Variants in TEX52 observed in about 807,000 individuals in gnomAD.
TEX52 encodes testis expressed 52.
Under a neutral mutation model 17.6 loss-of-function variants are expected in TEX52, and 22 were observed. The ratio of observed to expected loss-of-function variants is 1.25; its 90% CI spans 0.89 to 1.78. TEX52 has a LOEUF of 1.78. Ranked by LOEUF, TEX52 falls within the 40% of genes most tolerant of loss-of-function variation. TEX52 has a pLI of 0.00. For synonymous variants in TEX52, 168 were observed against 147.4 expected (o/e 1.14, Z -1.01); for missense variants, 396 against 372.3 (o/e 1.06, Z -0.52).
chr12:2,848,914 CCT>C (rs1422365712), downstream of TEX52: 20 of 379,934 alleles, frequency 5.3e-5, no homozygotes, highest in Non-Finnish European at 9.1e-5. Flanking sequence ...CACACACACT[CCT>C]TCCTTCCCAC....
intron 1 of TEX52, among the ~76,000 whole-genome samples, chr12:2,856,127 C>G (rs1478327599): frequency 6.6e-6 from 1 of 152,170 alleles, no homozygotes; most frequent in Non-Finnish European, 1.5e-5. Context: ...CCCCACAACT[C>G]TATGAGCAAG....
chr12:2,849,552 CAG>C, intron 2 of TEX52, 27 bp from the exon 3 acceptor site: 1 of 1,535,586 alleles, frequency 6.5e-7, no homozygotes, highest in Non-Finnish European at 8.7e-7. Flanking sequence ...ATGGAGAGAA[CAG>C]AGAGATCAAA....
Position 2,849,378 on chromosome 12 carries a change from C to T in TEX52, c.771G>A (p.Leu257=). Residue 257 remains leucine, a synonymous_variant, in exon 3 of 3, where the codon CTG becomes CTA. Coordinates refer to ENST00000637658, the MANE Select transcript of TEX52 (RefSeq NM_001365174.2). ...GGTCCTGGCTCAGGGGCGCGCTGGGCAGCAAGGCCAGCTTTAGCACCTTCT... is the reference window on the plus strand; with the variant it reads ...GGTCCTGGCTCAGGGGCGCGCTGGGTAGCAAGGCCAGCTTTAGCACCTTCT... The part of the protein sequence containing the change: ...YQEKVLKLAL[L]PSAPLSQDLI... The T allele has an allele frequency of 6.5e-7, 1 of 1,536,154 alleles. No individual in the cohort carries two copies. The highest frequency in any genetic ancestry group is 8.7e-7 in the Non-Finnish European group (1 of 1,146,910).
At chr12:2,854,352 C>T (rs1039906686) in intron 2 of TEX52, among the ~76,000 whole-genome samples, 3 of 152,206 alleles carry the variant, frequency 2.0e-5, no homozygotes, top group African/African-American at 7.2e-5. Context: ...TTCAGTTCTT[C>T]CACATATTCA....
chr12:2,855,833 C>T (rs565257374), intron 1 of TEX52, among the ~76,000 whole-genome samples: 155 of 152,214 alleles, frequency 1.0e-3, no homozygotes, highest in Middle Eastern at 3.4e-3. Context: ...GAAATGCTCC[C>T]TACCATGCCA....
intron 2 of TEX52, among the ~76,000 whole-genome samples, chr12:2,850,965 C>T (rs1310620991): frequency 6.6e-6 from 1 of 151,076 alleles, no homozygotes. Flanking sequence ...AGCCAACACA[C>T]CAGGCCCAGA....
At chr12:2,853,165 G>A (rs1323075406) in intron 2 of TEX52, among the ~76,000 whole-genome samples, 1 of 152,148 alleles carries the variant, frequency 6.6e-6, no homozygotes, top group Non-Finnish European at 1.5e-5. Context: ...CCTTTGCCAG[G>A]GTCAGCACCT....
chr12:2,849,550 A>C, intron 2 of TEX52, 25 bp from the exon 3 acceptor site: 1 of 1,535,710 alleles, frequency 6.5e-7, no homozygotes, highest in Non-Finnish European at 8.7e-7. Flanking sequence ...GTATGGAGAG[A>C]ACAGAGAGAT....
chr12:2,849,651 A>G (rs2098063917), intron 2 of TEX52, 126 bp from the exon 3 acceptor site: 1 of 1,070,194 alleles, frequency 9.3e-7, no homozygotes, highest in Non-Finnish European at 1.3e-6. Flanking sequence ...GCGGCAGGGA[A>G]TCCCTTCTGT....
At position 2,849,372 on chromosome 12, in the gene TEX52, G is replaced by A. The variant is rs114304630; in HGVS notation, c.777C>T (p.Ser259=). 1,739 of 1,536,136 alleles carry A rather than the reference G, an allele frequency of 1.1e-3. 13 individuals carry two copies. In the African/African-American group the frequency reaches 0.017, roughly 15 times the overall value. ...TTATGAGGTCCTGGCTCAGGGGCGC[G>A]CTGGGCAGCAAGGCCAGCTTTAGCA... ...EKVLKLALLP[S]APLSQDLIRD... The change falls in exon 3 of 3, where the codon AGC becomes AGT. Residue 259 remains serine (S), a synonymous_variant. Transcript: ENST00000637658.
At chr12:2,850,794 T>A (rs184460601) in intron 2 of TEX52, among the ~76,000 whole-genome samples, 244 of 151,368 alleles carry the variant, frequency 1.6e-3, no homozygotes, top group African/African-American at 5.6e-3. Flanking sequence ...TGCCTCAGCC[T>A]CCCAAGTAGC....
intron 2 of TEX52, among the ~76,000 whole-genome samples, chr12:2,849,833 A>C (rs1040132243): frequency 6.6e-6 from 1 of 152,230 alleles, no homozygotes; most frequent in African/African-American, 2.4e-5. Context: ...CTGTCCTTCA[A>C]GTCTCACCTT....
rs2098083563 is a variant in TEX52, at chr12:2,855,207, C to T, written c.312G>A (p.Leu104=). Reference sequence around the variant, plus strand: ...CAGGCTGGGTGGGGAAGGTGGCAGGCAGACGGCACACATCGAGCCACGTGT... The same window carrying T: ...CAGGCTGGGTGGGGAAGGTGGCAGGTAGACGGCACACATCGAGCCACGTGT... ...GFHTWLDVCR[L]PATFPTQPDR... is the part of the protein sequence containing the mutation. The change falls in exon 2 of 3, where the codon CTG becomes CTA. Residue 104 remains leucine, a synonymous_variant. Coordinates refer to ENST00000637658, the MANE Select transcript of TEX52 (RefSeq NM_001365174.2). 8 of 1,505,700 alleles carry T rather than the reference C, an allele frequency of 5.3e-6. No homozygotes were observed. The highest frequency in any genetic ancestry group is 1.3e-5 in the South Asian group (1 of 79,780). The allele number at this position is 1,505,700 out of a possible 1,614,324, so 93.3% of individuals were successfully genotyped here.
At position 2,854,884 on chromosome 12, in the gene TEX52, G is replaced by GCAC. The variant is rs2098082305; in HGVS notation, c.623+9_623+11dup. ...CAGGCTGGGTGGGCTCCCTGAGGAG[G>GCAC]CACCGTCTTACTTCTTGAAGCTCGC... is the stretch of plus-strand genomic sequence containing the variant. On this transcript the variant is annotated intron_variant, in intron 2 of 2. Transcript: ENST00000637658. 6.6e-7 allele frequency: 1 copy of GCAC among 1,524,714 alleles called. No homozygotes were observed. The highest frequency in any genetic ancestry group is 8.8e-7 in the Non-Finnish European group (1 of 1,140,136). The allele number at this position is 1,524,714 out of a possible 1,614,324, so 94.4% of individuals were successfully genotyped here.
chr12:2,853,720 T>A (rs2098078639), intron 2 of TEX52, among the ~76,000 whole-genome samples: 1 of 152,158 alleles, frequency 6.6e-6, no homozygotes, highest in African/African-American at 2.4e-5. Context: ...CCTTCCCCCT[T>A]TCTTGTTACT....
chr12:2,848,012 T>C (rs2098058159), downstream of TEX52, among the ~76,000 whole-genome samples: 1 of 152,236 alleles, frequency 6.6e-6, no homozygotes, highest in Admixed American at 6.5e-5. Context: ...CCTTCACCTA[T>C]ATTCTTGTAT....
At chr12:2,848,989 C>A (rs748557060), downstream of TEX52, 1 of 511,542 alleles carries the variant, frequency 2.0e-6, no homozygotes, top group African/African-American at 1.9e-5. Context: ...GCCTCCTGGC[C>A]GCAGTCCTCC....
chr12:2,853,464 G>C (rs534643347), intron 2 of TEX52, among the ~76,000 whole-genome samples: 3 of 152,004 alleles, frequency 2.0e-5, no homozygotes, highest in Admixed American at 1.3e-4. Context: ...GTAGAGACGG[G>C]GTTTCACCAT....
intron 2 of TEX52, among the ~76,000 whole-genome samples, 180 bp downstream of exon 2, chr12:2,854,716 A>G (rs2098081764): frequency 6.6e-6 from 1 of 151,772 alleles, no homozygotes; most frequent in Non-Finnish European, 1.5e-5. Flanking sequence ...CCCTGCCTCC[A>G]CTCGCTGTTC....
Sources: allele counts gnomAD v4.1 joint callset (sites outside exome capture counted in the v4.1 genomes callset), GRCh38; gene constraint gnomAD v4.1.1; transcripts MANE v1.5; gene names NCBI Gene and HGNC (gene_info 2026-07-23, HGNC 2026-07-21).